The following TBC1D5 variants were observed in gnomAD, a reference collection of about 807,000 sequenced individuals.
TBC1D5 encodes TBC1 domain family, member 5.
Under a neutral mutation model 100.3 loss-of-function variants are expected in TBC1D5, and 75 were observed. The ratio of observed to expected loss-of-function variants is 0.75; its 90% CI spans 0.62 to 0.91. The LOEUF (loss-of-function observed/expected upper bound fraction) is 0.91, where lower values mean the gene tolerates loss of function less well. Ranked by LOEUF, TBC1D5 falls within the 40% of genes least tolerant of loss-of-function variation. The pLI is 0.00. For synonymous variants in TBC1D5, 323 were observed against 325.6 expected, an observed-to-expected ratio of 0.99 and a Z score of 0.09; for missense variants, 910 against 942.4, an observed-to-expected ratio of 0.97 and a Z score of 0.45.
intron 1 of TBC1D5, among the ~76,000 whole-genome samples, chr3:17,733,887 A>C (rs2076759208): frequency 6.6e-6 from 1 of 152,194 alleles, no homozygotes; most frequent in East Asian, 1.9e-4. Flanking sequence ...TTACACAATA[A>C]ATACACAAAA....
intron 1 of TBC1D5, among the ~76,000 whole-genome samples, chr3:17,688,779 T>C (rs2070688960): frequency 6.6e-6 from 1 of 152,262 alleles, no homozygotes; most frequent in African/African-American, 2.4e-5. Context: ...TCTCATTCTG[T>C]GGAACTAATC....
chr3:17,583,559 C>G (rs1050277555), intron 2 of TBC1D5, among the ~76,000 whole-genome samples: 9 of 152,120 alleles, frequency 5.9e-5, no homozygotes, highest in Non-Finnish European at 1.2e-4. Context: ...AACCCCGTCT[C>G]TACTAAAAAT....
intron 17 of TBC1D5, among the ~76,000 whole-genome samples, chr3:17,230,816 C>T (rs901966847): frequency 7.2e-5 from 11 of 151,952 alleles, no homozygotes; most frequent in East Asian, 1.9e-4. Flanking sequence ...GTTTCAGGAC[C>T]GCTGTGGATA....
chr3:17,164,119 T>C (rs1407724158), intron 21 of TBC1D5, among the ~76,000 whole-genome samples: 4 of 152,158 alleles, frequency 2.6e-5, no homozygotes, highest in African/African-American at 4.8e-5. Flanking sequence ...ACTGCTGTTT[T>C]CAGAGCTGGA....
intron 16 of TBC1D5, among the ~76,000 whole-genome samples, chr3:17,250,427 C>T (rs2077083874): frequency 6.6e-6 from 1 of 152,190 alleles, no homozygotes; most frequent in South Asian, 2.1e-4. Context: ...GGATAAAACC[C>T]TAAGCATTTT....
intron 18 of TBC1D5, among the ~76,000 whole-genome samples, chr3:17,207,974 G>A (rs2072450850): frequency 1.3e-5 from 2 of 152,188 alleles, no homozygotes; most frequent in Admixed American, 6.5e-5. Flanking sequence ...AGACCCAAAC[G>A]AAGAGATGTC....
chr3:17,710,642 T>A (rs1190146435), intron 1 of TBC1D5, among the ~76,000 whole-genome samples: 1 of 151,976 alleles, frequency 6.6e-6, no homozygotes, highest in African/African-American at 2.4e-5. Flanking sequence ...CTTGATACGA[T>A]AAGAGGAAAA....
intron 2 of TBC1D5, among the ~76,000 whole-genome samples, chr3:17,556,343 A>T (rs1004828320): frequency 1.3e-5 from 2 of 152,214 alleles, no homozygotes; most frequent in Non-Finnish European, 2.9e-5. Context: ...CCTACAAAAA[A>T]ATAAGAAATT....
At position 17,226,527 on chromosome 3, in the gene TBC1D5, G is replaced by C. The variant is rs368191925; in HGVS notation, c.1588+11636C>G. ...TCTCTGGAAACTGCCCGCAACTGAAGAGAGCTTCCTTGCCCAAGGTCATGC... is the reference window on the plus strand; with the variant it reads ...TCTCTGGAAACTGCCCGCAACTGAACAGAGCTTCCTTGCCCAAGGTCATGC... On this transcript the variant is annotated intron_variant, in intron 17 of 21. Transcript: ENST00000253692. Among the ~76,000 whole-genome samples the C allele has an allele frequency of 9.2e-5, 14 of 152,106 alleles. No homozygotes were observed. The South Asian group carries it at 2.5e-3, about 27-fold the overall frequency.
At chr3:17,320,825 T>A (rs1157180380) in intron 13 of TBC1D5, among the ~76,000 whole-genome samples, 1 of 152,214 alleles carries the variant, frequency 6.6e-6, no homozygotes, top group African/African-American at 2.4e-5. Context: ...CATTTCTATA[T>A]GTATTGAGGG....
At chr3:17,568,161 C>T (rs2096604974) in intron 2 of TBC1D5, among the ~76,000 whole-genome samples, 1 of 151,318 alleles carries the variant, frequency 6.6e-6, no homozygotes, top group Non-Finnish European at 1.5e-5. Flanking sequence ...GAACAAATGA[C>T]CCTAACAGGC....
intron 3 of TBC1D5, among the ~76,000 whole-genome samples, chr3:17,458,971 C>G (rs983765967): frequency 5.3e-5 from 8 of 152,036 alleles, no homozygotes; most frequent in Non-Finnish European, 1.0e-4. Flanking sequence ...ATACAAAACC[C>G]CCGACAAAGA....
At chr3:17,586,056 T>C (rs1199516802) in intron 2 of TBC1D5, among the ~76,000 whole-genome samples, 1 of 152,080 alleles carries the variant, frequency 6.6e-6, no homozygotes, top group Non-Finnish European at 1.5e-5. Context: ...TGGGAAACCA[T>C]TTTTAAAAGA....
chr3:17,470,148 A>G (rs891801664), intron 3 of TBC1D5, among the ~76,000 whole-genome samples: 5 of 152,224 alleles, frequency 3.3e-5, no homozygotes, highest in African/African-American at 1.2e-4. Flanking sequence ...TGCTACTTGC[A>G]TATTCCTTTA....
At chr3:17,508,841 T>C (rs1479858381) in intron 2 of TBC1D5, among the ~76,000 whole-genome samples, 2 of 152,168 alleles carry the variant, frequency 1.3e-5, no homozygotes, top group African/African-American at 4.8e-5. Context: ...TTTATCTTAA[T>C]TTTGAATCAT....
At chr3:17,598,571 A>G (rs528432761) in intron 2 of TBC1D5, among the ~76,000 whole-genome samples, 1 of 152,238 alleles carries the variant, frequency 6.6e-6, no homozygotes, top group East Asian at 1.9e-4. Context: ...CTTTTATCCA[A>G]TACACACTGT....
In TBC1D5 at chr3:17,484,950, T is replaced by C. The variant is rs1001932060; in HGVS notation, c.97+23524A>G. Among the ~76,000 whole-genome samples, 5 of 152,106 alleles carry C rather than the reference T, an allele frequency of 3.3e-5. No homozygotes were observed. In the South Asian group the frequency reaches 8.3e-4, roughly 25 times the overall value. On this transcript the variant is annotated intron_variant, in intron 3 of 21. Transcript: ENST00000253692. The stretch of plus-strand genomic sequence containing the variant: ...TAATAAAATTAAAGAGAATAATATA[T>C]TCAATGACTTACTTTTGCAAGGTAA...
intron 15 of TBC1D5, among the ~76,000 whole-genome samples, chr3:17,258,938 G>T (rs2149436966): frequency 6.6e-6 from 1 of 152,216 alleles, no homozygotes; most frequent in Middle Eastern, 3.4e-3. Context: ...ACTATGCCAA[G>T]GGATGGAGAG....
chr3:17,297,782 G>A (rs2082412719), intron 14 of TBC1D5, among the ~76,000 whole-genome samples: 1 of 150,752 alleles, frequency 6.6e-6, no homozygotes, highest in Non-Finnish European at 1.5e-5. Flanking sequence ...TGAGACGGGG[G>A]TCCCACTACG....
Sources: allele counts gnomAD v4.1 joint callset (sites outside exome capture counted in the v4.1 genomes callset), GRCh38; gene constraint gnomAD v4.1.1; transcripts MANE v1.5; gene names NCBI Gene and HGNC (gene_info 2026-07-23, HGNC 2026-07-21).